Variants in PBX1 observed in about 807,000 individuals in gnomAD.
PBX1 encodes the protein pre-B-cell leukemia transcription factor 1.
PBX1 carries 6 observed loss-of-function variants against 53.4 expected under a neutral mutation model. The observed-to-expected ratio is 0.11, with a 90% CI of 0.06 to 0.22. The LOEUF is 0.22. Among genes scored for constraint, PBX1 ranks in the 10% least tolerant of loss-of-function variants. The probability of loss-of-function intolerance (pLI) is 1.00; values close to 1 mark genes in which losing one functional copy is unlikely to be tolerated. For synonymous variants in PBX1, 204 were observed against 212.3 expected (o/e 0.96, Z 0.34); for missense variants, 251 against 551.4 (o/e 0.46, Z 5.46).
intron 5 of PBX1, among the ~76,000 whole-genome samples, chr1:164,809,712 T>C (rs775392550): frequency 2.0e-5 from 3 of 152,190 alleles, no homozygotes; most frequent in Non-Finnish European, 4.4e-5. Flanking sequence ...TGAAATCTAC[T>C]AAAAGCTATT....
intron 2 of PBX1, among the ~76,000 whole-genome samples, chr1:164,661,376 G>A (rs1334463758): frequency 6.6e-6 from 1 of 151,442 alleles, no homozygotes; most frequent in Non-Finnish European, 1.5e-5. Flanking sequence ...CTCAGGGAAA[G>A]CCCTGATATT....
At chr1:164,652,741 G>A (rs1457151298) in intron 2 of PBX1, among the ~76,000 whole-genome samples, 1 of 152,088 alleles carries the variant, frequency 6.6e-6, no homozygotes, top group Non-Finnish European at 1.5e-5. Context: ...TATACAGTTT[G>A]AAGTGTTTTG....
chr1:164,751,436 G>C (rs1666210764), intron 2 of PBX1, among the ~76,000 whole-genome samples: 1 of 152,030 alleles, frequency 6.6e-6, no homozygotes, highest in African/African-American at 2.4e-5. Flanking sequence ...AGAAACAAGA[G>C]AATCTGGCCA....
In PBX1 at chr1:164,830,253, G is replaced by A. The variant is rs373678120; in HGVS notation, c.1200+8627G>A. Reference sequence around the variant, plus strand: ...ACTAATCAACTACAAAGCATTAGCAGAATAAAATTGGCAGGAGAGTGATAA... The same window carrying A: ...ACTAATCAACTACAAAGCATTAGCAAAATAAAATTGGCAGGAGAGTGATAA... On this transcript the variant is annotated intron_variant, in intron 8 of 8. Transcript: ENST00000420696. Among the ~76,000 whole-genome samples the A allele has an allele frequency of 4.6e-5, 7 of 152,176 alleles. 1 individual carries two copies. In the South Asian group the frequency reaches 1.4e-3, roughly 31 times the overall value.
intron 2 of PBX1, among the ~76,000 whole-genome samples, chr1:164,592,667 T>A (rs1655473528): frequency 6.6e-6 from 1 of 152,168 alleles, no homozygotes. Flanking sequence ...CACAGTAAGT[T>A]GAAAAGCAGT....
chr1:164,842,323 G>A (rs1009010681), intron 8 of PBX1, among the ~76,000 whole-genome samples: 8 of 152,150 alleles, frequency 5.3e-5, no homozygotes, highest in Admixed American at 2.0e-4. Flanking sequence ...TCAAGAGCTA[G>A]CTCCCTCTAC....
At chr1:164,754,106 C>T (rs914881865) in intron 2 of PBX1, among the ~76,000 whole-genome samples, 9 of 152,140 alleles carry the variant, frequency 5.9e-5, no homozygotes, top group Non-Finnish European at 7.3e-5. Flanking sequence ...AGAGCCTGTC[C>T]TAATCTCTGG....
At chr1:164,653,441 C>T (rs1464490311) in intron 2 of PBX1, among the ~76,000 whole-genome samples, 4 of 151,746 alleles carry the variant, frequency 2.6e-5, no homozygotes, top group Non-Finnish European at 5.9e-5. Flanking sequence ...GGCCTGGCTC[C>T]CTGAATTCAG....
chr1:164,668,868 A>C (rs1384046537), intron 2 of PBX1, among the ~76,000 whole-genome samples: 1 of 152,228 alleles, frequency 6.6e-6, no homozygotes, highest in African/African-American at 2.4e-5. Flanking sequence ...CTGCGGAGTA[A>C]TATATTTTAA....
At chr1:164,881,953 C>A (rs1367017844) in intron 2 of PBX1, among the ~76,000 whole-genome samples, 1 of 152,170 alleles carries the variant, frequency 6.6e-6, no homozygotes, top group African/African-American at 2.4e-5. Context: ...ACCCGCTATG[C>A]CCCTCACCAA....
At chr1:164,769,278 A>C (rs1049480135) in intron 2 of PBX1, 1 of 152,100 alleles carries the variant, frequency 6.6e-6, no homozygotes, top group Non-Finnish European at 1.5e-5. Context: ...CTTGGGGTAC[A>C]TTTTCTTTCC....
chr1:164,560,070 C>G, intron 1 of PBX1, 57 bp downstream of exon 1: 1 of 1,210,706 alleles, frequency 8.3e-7, no homozygotes, highest in Non-Finnish European at 1.1e-6. Flanking sequence ...CTTCCTCTTG[C>G]AGGGGGAAAC....
At chr1:164,626,388 C>G (rs1204276077) in intron 2 of PBX1, among the ~76,000 whole-genome samples, 3 of 152,282 alleles carry the variant, frequency 2.0e-5, no homozygotes, top group African/African-American at 7.2e-5. Flanking sequence ...CTGCCCAGGG[C>G]TGAGCATTTC....
Position 164,819,969 on chromosome 1 carries a change from TG to T in PBX1, c.998-95del, listed in dbSNP as rs539776578. ...TGTTATTTTTATTTTAGTTTTTATT[TG>T]GGGGGGGTTGCTTTGCATGTCATTC... is the stretch of plus-strand genomic sequence containing the variant. On this transcript the variant is annotated intron_variant, in intron 6 of 8. Coordinates refer to ENST00000420696, the MANE Select transcript of PBX1 (RefSeq NM_002585.4). 98 of 673,400 alleles carry T rather than the reference TG, an allele frequency of 1.5e-4. 1 individual carries two copies. In the East Asian group the frequency reaches 1.5e-3, roughly 10 times the overall value. The allele number at this position is 673,400 out of a possible 1,614,324, so 41.7% of individuals were successfully genotyped here.
intron 5 of PBX1, 53 bp downstream of exon 5, chr1:164,807,730 C>G: frequency 6.3e-7 from 1 of 1,599,480 alleles, no homozygotes; most frequent in Middle Eastern, 1.7e-4. Context: ...GCGGGGCCTC[C>G]GGGGCAGGCT....
intron 2 of PBX1, among the ~76,000 whole-genome samples, chr1:164,593,251 C>G (rs1374962511): frequency 2.0e-5 from 3 of 152,286 alleles, no homozygotes; most frequent in Admixed American, 6.5e-5. Context: ...AGCCACCACG[C>G]CTGGCCAACC....
rs1324313988 is a variant in PBX1, at chr1:164,737,492, T to C, written c.266-55002T>C. On this transcript the variant is annotated intron_variant, in intron 2 of 8. Transcript: ENST00000420696. ...TGTTTTTTTCTTTCCTTTTTTTTTG[T>C]TTTTTTTTGAGACAGAGTCTCTGTC... Among the ~76,000 whole-genome samples, 5 of 150,854 alleles carry C rather than the reference T, an allele frequency of 3.3e-5. No homozygotes were observed. In the East Asian group the frequency reaches 9.7e-4, roughly 29 times the overall value.
intron 2 of PBX1, chr1:164,703,301 C>A (rs1663239768): frequency 6.6e-6 from 1 of 152,348 alleles, no homozygotes; most frequent in East Asian, 1.9e-4. Flanking sequence ...TAGGTGTATA[C>A]CTCCATGCTG....
At chr1:164,688,847 A>G (rs1662280731) in intron 2 of PBX1, among the ~76,000 whole-genome samples, 1 of 152,264 alleles carries the variant, frequency 6.6e-6, no homozygotes, top group African/African-American at 2.4e-5. Context: ...CTTTCATGGA[A>G]ACTGCTGTAA....
Sources: gnomAD v4.1 joint callset for allele counts (sites outside exome capture counted in the v4.1 genomes callset) on GRCh38, gnomAD v4.1.1 for gene constraint, MANE v1.5 for transcripts, NCBI Gene and HGNC (gene_info 2026-07-23, HGNC 2026-07-21) for gene names.